XKR3: variants seen among roughly 807,000 people sequenced by gnomAD.
XKR3 encodes the protein XK-related protein 3.
A neutral mutation model predicts 40.3 loss-of-function variants in XKR3; 27 were observed. That is an observed-to-expected ratio of 0.67 (90% CI 0.49 to 0.92). The LOEUF (loss-of-function observed/expected upper bound fraction) is 0.92. XKR3 is among the 40% of genes least tolerant of loss of function. XKR3 has a pLI of 0.00. For synonymous variants in XKR3, 193 were observed against 195.4 expected, an observed-to-expected ratio of 0.99 and a Z score of 0.10; for missense variants, 472 against 537.6, an observed-to-expected ratio of 0.88 and a Z score of 1.21.
At chr22:16,814,960 T>A (rs1472490073) in intron 1 of XKR3, among the ~76,000 whole-genome samples, 1 of 151,878 alleles carries the variant, frequency 6.6e-6, no homozygotes, top group African/African-American at 2.4e-5. Flanking sequence ...CTTGCCCAAT[T>A]GCCCCTCATC....
rs1244681445 is a variant in XKR3, at chr22:16,807,833, C to A, written c.241G>T (p.Asp81Tyr). ...TTGAAAAACATCAGGATAATTTGATCCAAAATTGCCCCCACAATAATAAAG... is the reference window on the plus strand; with the variant it reads ...TTGAAAAACATCAGGATAATTTGATACAAAATTGCCCCCACAATAATAAAG... ...ISFIIVGAIL[D>Y]QIILMFFNKD... The change falls in exon 2 of 4, where the codon GAT becomes TAT. Residue 81 changes from aspartate (D) to tyrosine (Y), a missense_variant. Physicochemically the swap from Asp to Tyr is radical, Grantham distance 160. Transcript: ENST00000684488. 2 of 1,613,738 alleles carry A rather than the reference C, an allele frequency of 1.2e-6. No individual in the cohort carries two copies. Among genetic ancestry groups the A allele is most frequent in the African/African-American group, 2.7e-5 (2 of 74,876 alleles).
Position 16,806,708 on chromosome 22 carries a change from A to G in XKR3, c.335+1031T>C, listed in dbSNP as rs139723852. On this transcript the variant is annotated intron_variant, in intron 2 of 3. Coordinates refer to ENST00000684488, the MANE Select transcript of XKR3 (RefSeq NM_001386955.1). ...CTGCATTGGCCTCCCAAAGAGCTGG[A>G]ATTACAGGGATGAGCCACCACACCC... Among the ~76,000 whole-genome samples, 527 of 152,198 alleles carry G rather than the reference A, an allele frequency of 3.5e-3. 3 individuals carry two copies. Among genetic ancestry groups the G allele is most frequent in the East Asian group, 0.019 (101 of 5,180 alleles).
At chr22:16,785,741 G>T (rs1414427009) in intron 3 of XKR3, among the ~76,000 whole-genome samples, 1 of 152,060 alleles carries the variant, frequency 6.6e-6, no homozygotes, top group East Asian at 1.9e-4. Flanking sequence ...CCAGATACTC[G>T]AGAGGCTGAG....
At position 16,809,578 on chromosome 22, in the gene XKR3, A is replaced by T. The variant is rs1394469909; in HGVS notation, c.-10-1495T>A. The stretch of plus-strand genomic sequence containing the variant: ...TGGTTTCTCAAAAGTCATCAGTGAC[A>T]CCCTAATTGCTAAATGTAATATGTT... On this transcript the variant is annotated intron_variant, in intron 1 of 3. Coordinates refer to ENST00000684488, the MANE Select transcript of XKR3 (RefSeq NM_001386955.1). 3.3e-5 allele frequency among the ~76,000 whole-genome samples: 5 copies of T among 152,170 alleles called. No homozygotes were observed. The East Asian group carries it at 9.6e-4, about 29-fold the overall frequency.
intron 2 of XKR3, 78 bp from the exon 3 acceptor site, chr22:16,800,102 G>A: frequency 6.7e-7 from 1 of 1,500,870 alleles, no homozygotes; most frequent in Non-Finnish European, 8.9e-7. Context: ...TTTATCAGGA[G>A]AGGAACTCTT....
intron 2 of XKR3, among the ~76,000 whole-genome samples, chr22:16,803,373 G>A (rs2060177171): frequency 6.6e-6 from 1 of 152,014 alleles, no homozygotes; most frequent in Admixed American, 6.6e-5. Context: ...AACCAAATAG[G>A]ATTTATTTCC....
At chr22:16,791,526 T>C (rs1257933374) in intron 3 of XKR3, among the ~76,000 whole-genome samples, 1 of 150,938 alleles carries the variant, frequency 6.6e-6, no homozygotes, top group Admixed American at 6.6e-5. Flanking sequence ...AGAATGGATA[T>C]TAATTGCTCT....
intron 1 of XKR3, among the ~76,000 whole-genome samples, chr22:16,809,510 C>T (rs1267862953): frequency 6.6e-6 from 1 of 152,158 alleles, no homozygotes; most frequent in Non-Finnish European, 1.5e-5. Flanking sequence ...TCCATCACTT[C>T]TTATTATTTC....
chr22:16,808,771 A>T (rs748004028), intron 1 of XKR3, among the ~76,000 whole-genome samples: 1 of 152,220 alleles, frequency 6.6e-6, no homozygotes, highest in African/African-American at 2.4e-5. Flanking sequence ...AAAATTACTG[A>T]CATACTGTGA....
At position 16,823,357 on chromosome 22, in the gene XKR3, A is replaced by G. The variant is rs570868253; in HGVS notation, c.-11+1934T>C. ...AGTTTGGAAAGGTGTTCCTATTGAC[A>G]TCATTATAATCATGACCACCATCAT... On this transcript the variant is annotated intron_variant, in intron 1 of 3. Transcript: ENST00000684488. 6.6e-5 allele frequency among the ~76,000 whole-genome samples: 10 copies of G among 152,300 alleles called. No individual in the cohort carries two copies. The East Asian group carries it at 1.9e-3, about 29-fold the overall frequency.
rs567546796 is a variant in XKR3, at chr22:16,813,692, T to A, written c.-10-5609A>T. Among the ~76,000 whole-genome samples, 6 of 152,318 alleles carry A rather than the reference T, an allele frequency of 3.9e-5. No homozygotes were observed. In the South Asian group the frequency reaches 8.3e-4, roughly 21 times the overall value. On this transcript the variant is annotated intron_variant, in intron 1 of 3. Transcript: ENST00000684488. Reference sequence around the variant, plus strand: ...TCATATACAAATGTTCACAATTATATCTTAATTTTAGGAACATATGGTGAA... The same window carrying A: ...TCATATACAAATGTTCACAATTATAACTTAATTTTAGGAACATATGGTGAA...
In XKR3 at chr22:16,783,647, G is replaced by A. The variant is rs2060075231; in HGVS notation, c.1352C>T (p.Ser451Leu). ...TGAACATGTCATACTTTTTCTGATT[G>A]AAAAATATCCAACCCTATTGCAGGA... ...CHSCNRVGYF[S>L]IRKSMTCS is the part of the protein sequence containing the mutation. The change falls in exon 4 of 4, where the codon TCA becomes TTA. Residue 451 changes from serine to leucine, a missense_variant. By Grantham distance (145) the Ser-to-Leu change is moderately radical. Coordinates refer to ENST00000684488, the MANE Select transcript of XKR3 (RefSeq NM_001386955.1). 4 of 1,598,210 alleles carry A rather than the reference G, an allele frequency of 2.5e-6. No individual in the cohort carries two copies. Among genetic ancestry groups the A allele is most frequent in the Admixed American group, 1.8e-5 (1 of 56,672 alleles).
chr22:16,799,317 G>A (rs749758601), intron 3 of XKR3, among the ~76,000 whole-genome samples: 77 of 149,314 alleles, frequency 5.2e-4, no homozygotes, highest in Admixed American at 8.7e-4. Context: ...AGGAGGCTGA[G>A]TCAGAAGAAT....
At chr22:16,811,481 G>T (rs1169537356) in intron 1 of XKR3, among the ~76,000 whole-genome samples, 1 of 151,856 alleles carries the variant, frequency 6.6e-6, no homozygotes, top group African/African-American at 2.4e-5. Context: ...CTTACTATTC[G>T]GTCTTCTTAT....
intron 3 of XKR3, 110 bp downstream of exon 3, chr22:16,799,661 T>A (rs963231162): frequency 2.2e-5 from 29 of 1,293,724 alleles, no homozygotes; most frequent in Admixed American, 4.9e-5. Flanking sequence ...TTATAAAAAA[T>A]TTAGTGCAAC....
intron 1 of XKR3, among the ~76,000 whole-genome samples, chr22:16,810,461 A>G (rs563979156): frequency 1.3e-5 from 2 of 152,090 alleles, no homozygotes; most frequent in Non-Finnish European, 2.9e-5. Flanking sequence ...ACTTTTCCCT[A>G]TTCCTCCTGC....
chr22:16,800,681 C>T (rs1470455467), intron 2 of XKR3, among the ~76,000 whole-genome samples: 1 of 152,000 alleles, frequency 6.6e-6, no homozygotes, highest in Non-Finnish European at 1.5e-5. Flanking sequence ...CAAAGTAGTC[C>T]TCAAAGAACT....
Position 16,807,800 on chromosome 22 carries a change from A to G in XKR3, c.274T>C (p.Leu92=). The G allele has an allele frequency of 6.2e-7, 1 of 1,613,770 alleles. No individual in the cohort carries two copies. The change falls in exon 2 of 4, where the codon TTG becomes CTG. Residue 92 remains leucine (L), a synonymous_variant. Transcript: ENST00000684488. ...AGTAATGCAGCCTTATTTCTCCTCA[A>G]GTCTTTGTTGAAAAACATCAGGATA... ...QIILMFFNKD[L]RRNKAALLFW... is the part of the protein sequence containing the mutation.
At chr22:16,788,068 T>A (rs2060098263) in intron 3 of XKR3, among the ~76,000 whole-genome samples, 1 of 152,148 alleles carries the variant, frequency 6.6e-6, no homozygotes, top group Non-Finnish European at 1.5e-5. Flanking sequence ...TTTTCCTGGA[T>A]ATATCATACA....
Sources: gnomAD v4.1 joint callset for allele counts (sites outside exome capture counted in the v4.1 genomes callset) on GRCh38, gnomAD v4.1.1 for gene constraint, MANE v1.5 for transcripts, NCBI Gene and HGNC (gene_info 2026-07-23, HGNC 2026-07-21) for gene names.